The following PIEZO2 variants were observed in gnomAD, a reference collection of about 807,000 sequenced individuals.
The protein encoded by PIEZO2 is piezo-type mechanosensitive ion channel component 2.
In PIEZO2, 172 loss-of-function variants were observed where a neutral mutation model predicts 337.3. The ratio of observed to expected loss-of-function variants is 0.51; its 90% CI spans 0.45 to 0.58. The LOEUF is 0.58. Among genes scored for constraint, PIEZO2 ranks in the 20% least tolerant of loss-of-function variants. PIEZO2 has a pLI of 0.00. For missense variants in PIEZO2, 3,028 were observed against 3,391.3 expected (o/e 0.89, Z 2.66); for synonymous variants, 1,251 against 1,228.5 (o/e 1.02, Z -0.38).
intron 3 of PIEZO2, among the ~76,000 whole-genome samples, chr18:10,948,698 G>A (rs896360771): frequency 3.3e-5 from 5 of 152,110 alleles, no homozygotes; most frequent in East Asian, 1.9e-4. Context: ...CAAAACCACC[G>A]TTGATTCTTT....
chr18:10,684,259 G>A (rs1449943583), intron 49 of PIEZO2, among the ~76,000 whole-genome samples: 3 of 135,420 alleles, frequency 2.2e-5, no homozygotes, highest in Admixed American at 8.3e-5. Flanking sequence ...TCCACCTCCT[G>A]GGTTCACGCC....
At chr18:10,779,527 T>C (rs1485882004) in intron 18 of PIEZO2, among the ~76,000 whole-genome samples, 2 of 152,236 alleles carry the variant, frequency 1.3e-5, no homozygotes, top group Non-Finnish European at 2.9e-5. Context: ...CTAGGTGATA[T>C]GCATCTGAAG....
Position 10,945,126 on chromosome 18 carries a change from C to T in PIEZO2, c.287-33898G>A, listed in dbSNP as rs2032950864. On this transcript the variant is annotated intron_variant, in intron 3 of 55. Transcript: ENST00000674853. This position sits in a 1 kb window ranked among gnomAD's most constrained non-coding sequence, Gnocchi z 4.0. Reference sequence around the variant, plus strand: ...ATCTGTGAATTCAGCCAAGTAGTGACCAGTACATGCATGTGAGGAAACTAC... The same window carrying T: ...ATCTGTGAATTCAGCCAAGTAGTGATCAGTACATGCATGTGAGGAAACTAC... 6.6e-6 allele frequency among the ~76,000 whole-genome samples: 1 copy of T among 152,144 alleles called. No homozygotes were observed. The highest frequency in any genetic ancestry group is 2.4e-5 in the African/African-American group (1 of 41,432).
chr18:11,090,272 TAAAA>T (rs965684670), intron 1 of PIEZO2, among the ~76,000 whole-genome samples: 1 of 148,402 alleles, frequency 6.7e-6, no homozygotes, highest in African/African-American at 2.5e-5. Flanking sequence ...AAGAAAGAAA[TAAAA>T]GAGAGAGAGA....
intron 1 of PIEZO2, among the ~76,000 whole-genome samples, chr18:11,117,453 G>T (rs751899144): frequency 5.9e-5 from 9 of 152,128 alleles, no homozygotes; most frequent in Non-Finnish European, 1.3e-4. Context: ...ACTAGTCATG[G>T]AATTCCTAAA....
Position 10,784,709 on chromosome 18 carries a change from G to A in PIEZO2, c.2492+75C>T, listed in dbSNP as rs1447329314. On this transcript the variant is annotated intron_variant, in intron 17 of 55. Transcript: ENST00000674853. This position sits in a 1 kb window ranked among gnomAD's most constrained non-coding sequence, Gnocchi z 4.5. ...CTTTTAGATTACTGGCTTCTCGCAAGGTGGCCAACCTAAGGTAGGGTTGAA... is the reference window on the plus strand; with the variant it reads ...CTTTTAGATTACTGGCTTCTCGCAAAGTGGCCAACCTAAGGTAGGGTTGAA... 1.5e-6 allele frequency: 2 copies of A among 1,313,918 alleles called. No homozygotes were observed. Among genetic ancestry groups the A allele is most frequent in the Non-Finnish European group, 2.0e-6 (2 of 1,014,618 alleles). 81.4% of individuals were successfully genotyped at this position (1,313,918 alleles called of 1,614,324 possible). A position where few individuals can be genotyped will look rare whatever the true frequency, so the allele number is the denominator to read the frequency against.
At chr18:10,803,317 G>A (rs1441049212) in intron 9 of PIEZO2, among the ~76,000 whole-genome samples, 2 of 152,154 alleles carry the variant, frequency 1.3e-5, no homozygotes, top group African/African-American at 4.8e-5. Context: ...CATCAGAAAA[G>A]TCCACAAATA....
intron 2 of PIEZO2, among the ~76,000 whole-genome samples, chr18:11,043,856 G>C (rs1253204910): frequency 6.6e-6 from 1 of 151,966 alleles, no homozygotes; most frequent in East Asian, 1.9e-4. Flanking sequence ...ATTTTTAGTA[G>C]AGACAGGGGG....
At position 10,673,187 on chromosome 18, in the gene PIEZO2, T is replaced by C. The variant is rs1368791239; in HGVS notation, c.8162-314A>G. 2.0e-5 allele frequency among the ~76,000 whole-genome samples: 3 copies of C among 152,154 alleles called. No homozygotes were observed. Among genetic ancestry groups the C allele is most frequent in the Non-Finnish European group, 4.4e-5 (3 of 68,018 alleles). Reference sequence around the variant, plus strand: ...TAATCCCAAATGACTCTGTAGACATTTAAAAACCCAAATTTCTGACTTGTG... The same window carrying C: ...TAATCCCAAATGACTCTGTAGACATCTAAAAACCCAAATTTCTGACTTGTG... On this transcript the variant is annotated intron_variant, in intron 54 of 55. Transcript: ENST00000674853. The surrounding 1 kb of genome is among the most constrained non-coding windows in gnomAD (Gnocchi z 4.8).
chr18:10,976,513 C>A (rs1334726397), intron 3 of PIEZO2, among the ~76,000 whole-genome samples: 1 of 152,058 alleles, frequency 6.6e-6, no homozygotes, highest in Non-Finnish European at 1.5e-5. Flanking sequence ...GGAACTATAA[C>A]CTTTTGCAGA....
rs1423977840 is a variant in PIEZO2, at chr18:11,148,481, C to CCCTCGTCCT, written c.64+35_64+43dup. 5 of 1,532,632 alleles carry CCCTCGTCCT rather than the reference C, an allele frequency of 3.3e-6. No individual in the cohort carries two copies. Among genetic ancestry groups the CCCTCGTCCT allele is most frequent in the Non-Finnish European group, 4.4e-6 (5 of 1,142,934 alleles). The allele number at this position is 1,532,632 out of a possible 1,614,324, so 94.9% of individuals were successfully genotyped here. On this transcript the variant is annotated intron_variant, in intron 1 of 55. Coordinates refer to ENST00000674853, the MANE Select transcript of PIEZO2 (RefSeq NM_001378183.1). This position sits in a 1 kb window ranked among gnomAD's most constrained non-coding sequence, Gnocchi z 5.2. ...TAAGAAGTCCCCCACCCAGGCGCCC[C>CCCTCGTCCT]CCTCGTCCTCCTCAAGTGCCCTCGG... is the stretch of plus-strand genomic sequence containing the variant.
intron 36 of PIEZO2, among the ~76,000 whole-genome samples, chr18:10,730,018 G>C (rs567924486): frequency 6.6e-6 from 1 of 152,108 alleles, no homozygotes; most frequent in Non-Finnish European, 1.5e-5. Context: ...AGGATGTTTC[G>C]AAATTTTTTG....
At chr18:10,933,144 C>T (rs2145201726) in intron 3 of PIEZO2, among the ~76,000 whole-genome samples, 1 of 151,926 alleles carries the variant, frequency 6.6e-6, no homozygotes, top group Non-Finnish European at 1.5e-5. Context: ...TAACCAGGGA[C>T]AAGGCTACAA....
rs1001011104 is a variant in PIEZO2, at chr18:11,033,131, G to A, written c.160+32996C>T. On this transcript the variant is annotated intron_variant, in intron 2 of 55. Transcript: ENST00000674853. This position sits in a 1 kb window ranked among gnomAD's most constrained non-coding sequence, Gnocchi z 4.2. Reference sequence around the variant, plus strand: ...ACAGCACCTTTTGAGCATTTACCGTGAGCCCAACACATTACGTCATTGAGT... The same window carrying A: ...ACAGCACCTTTTGAGCATTTACCGTAAGCCCAACACATTACGTCATTGAGT... Among the ~76,000 whole-genome samples the A allele has an allele frequency of 1.3e-5, 2 of 152,190 alleles. No homozygotes were observed. The highest frequency in any genetic ancestry group is 2.1e-4 in the South Asian group (1 of 4,830).
intron 24 of PIEZO2, among the ~76,000 whole-genome samples, chr18:10,760,615 T>A (rs1329197539): frequency 6.6e-6 from 1 of 152,184 alleles, no homozygotes; most frequent in Non-Finnish European, 1.5e-5. Context: ...AGAAGATTAA[T>A]ACTTTATTCT....
At chr18:11,088,463 T>A (rs1208445522) in intron 1 of PIEZO2, among the ~76,000 whole-genome samples, 1 of 151,716 alleles carries the variant, frequency 6.6e-6, no homozygotes, top group Non-Finnish European at 1.5e-5. Context: ...GAGAACCCCT[T>A]AAGGTCCTAA....
chr18:10,789,556 C>T (rs1339204910), intron 14 of PIEZO2, among the ~76,000 whole-genome samples, 191 bp from the exon 15 acceptor site: 1 of 152,158 alleles, frequency 6.6e-6, no homozygotes, highest in African/African-American at 2.4e-5. Flanking sequence ...ATAACCTTCT[C>T]AAAATATAGT....
chr18:10,784,728 G>A lies in PIEZO2; in HGVS notation c.2492+56C>T. On this transcript the variant is annotated intron_variant, in intron 17 of 55. Coordinates refer to ENST00000674853, the MANE Select transcript of PIEZO2 (RefSeq NM_001378183.1). This position sits in a 1 kb window ranked among gnomAD's most constrained non-coding sequence, Gnocchi z 4.5. ...TCGCAAGGTGGCCAACCTAAGGTAG[G>A]GTTGAAGAGCTGCCTTCCTGCTAAT... The A allele has an allele frequency of 7.5e-7, 1 of 1,330,316 alleles. No individual in the cohort carries two copies. The highest frequency in any genetic ancestry group is 9.6e-7 in the Non-Finnish European group (1 of 1,040,292). The allele number at this position is 1,330,316 out of a possible 1,614,324, so 82.4% of individuals were successfully genotyped here.
chr18:11,070,303 AG>A lies in PIEZO2; in HGVS notation c.65-4082del, dbSNP rs1229347363. Among the ~76,000 whole-genome samples the A allele has an allele frequency of 1.3e-5, 2 of 152,228 alleles. No homozygotes were observed. Among genetic ancestry groups the A allele is most frequent in the Non-Finnish European group, 2.9e-5 (2 of 68,038 alleles). On this transcript the variant is annotated intron_variant, in intron 1 of 55. Coordinates refer to ENST00000674853, the MANE Select transcript of PIEZO2 (RefSeq NM_001378183.1). The surrounding 1 kb of genome is among the most constrained non-coding windows in gnomAD (Gnocchi z 4.3). ...AGTAAAAATACGGCACTATAATCTT[AG>A]GGGACCAACCCCACAGACTGTCAAC...
Sources: allele counts gnomAD v4.1 joint callset (sites outside exome capture counted in the v4.1 genomes callset), GRCh38; gene constraint gnomAD v4.1.1; non-coding constraint Gnocchi (gnomAD v3.1); transcripts MANE v1.5; gene names NCBI Gene and HGNC (gene_info 2026-07-23, HGNC 2026-07-21).